The following GRIA2 variants were observed in gnomAD, a reference collection of about 807,000 sequenced individuals.
The protein encoded by GRIA2 is glutamate ionotropic receptor AMPA type subunit 2.
GRIA2 carries 14 observed loss-of-function variants against 97.3 expected under a neutral mutation model. The ratio of observed to expected loss-of-function variants is 0.14; its 90% confidence interval spans 0.10 to 0.23. The LOEUF is 0.23. Among genes scored for constraint, GRIA2 ranks in the 10% least tolerant of loss-of-function variants. GRIA2 has a pLI of 1.00. For missense variants in GRIA2, 558 were observed against 1,069.8 expected (o/e 0.52, Z 6.67); for synonymous variants, 412 against 387.8 (o/e 1.06, Z -0.73).
chr4:157,322,888 G>A (rs1338083232), intron 6 of GRIA2, among the ~76,000 whole-genome samples: 2 of 152,152 alleles, frequency 1.3e-5, no homozygotes, highest in African/African-American at 4.8e-5. Context: ...AAAAGGATTA[G>A]AAATTTTGAA....
intron 12 of GRIA2, chr4:157,342,580 T>C: frequency 9.5e-6 from 3 of 314,764 alleles, no homozygotes; most frequent in Non-Finnish European, 1.4e-5. Flanking sequence ...AATGAAAATG[T>C]ATTATCATTT....
chr4:157,312,377 T>C (rs1221539660), intron 3 of GRIA2, among the ~76,000 whole-genome samples: 1 of 152,084 alleles, frequency 6.6e-6, no homozygotes, highest in Non-Finnish European at 1.5e-5. Flanking sequence ...GATATTAACA[T>C]TACACTTTAG....
At chr4:157,329,301 G>A (rs1208068007) in intron 6 of GRIA2, among the ~76,000 whole-genome samples, 1 of 151,796 alleles carries the variant, frequency 6.6e-6, no homozygotes, top group Non-Finnish European at 1.5e-5. Context: ...AATTAATATT[G>A]CATAAGATTC....
intron 2 of GRIA2, among the ~76,000 whole-genome samples, chr4:157,297,600 C>T (rs1733407499): frequency 6.6e-6 from 1 of 152,026 alleles, no homozygotes; most frequent in Non-Finnish European, 1.5e-5. Flanking sequence ...TAGAAAATGG[C>T]AAAGCCAGGA....
chr4:157,264,115 T>C (rs1731665238), intron 2 of GRIA2, among the ~76,000 whole-genome samples: 1 of 152,132 alleles, frequency 6.6e-6, no homozygotes, highest in East Asian at 1.9e-4. Context: ...ACTTTGAAAC[T>C]GCATGCAGGT....
chr4:157,321,465 A>C lies in GRIA2; in HGVS notation c.748A>C (p.Ile250Leu). The C allele has an allele frequency of 1.2e-6, 2 of 1,611,664 alleles. No individual in the cohort carries two copies. Among genetic ancestry groups the C allele is most frequent in the Non-Finnish European group, 1.7e-6 (2 of 1,178,242 alleles). The change falls in exon 6 of 16, where the codon ATC (isoleucine) becomes CTC (leucine). Residue 250 changes from isoleucine (I) to leucine (L), a missense_variant. Physicochemically the swap from Ile to Leu is conservative, Grantham distance 5. Coordinates refer to ENST00000264426, the MANE Select transcript of GRIA2 (RefSeq NM_001083619.3). ...ATTTACTGATGGAGACCTATTAAAA[A>C]TCCAGTTTGGAGGTGCAAATGTCTC... Reference protein sequence around the residue: ...LGFTDGDLLKIQFGGANVSGF... With the variant: ...LGFTDGDLLKLQFGGANVSGF...
At chr4:157,270,046 T>A (rs1731947547) in intron 2 of GRIA2, among the ~76,000 whole-genome samples, 1 of 152,166 alleles carries the variant, frequency 6.6e-6, no homozygotes, top group South Asian at 2.1e-4. Context: ...GAGGCTCTAT[T>A]TAAAGTGATT....
At chr4:157,344,370 G>T (rs1735678955) in intron 12 of GRIA2, among the ~76,000 whole-genome samples, 1 of 151,946 alleles carries the variant, frequency 6.6e-6, no homozygotes, top group Non-Finnish European at 1.5e-5. Flanking sequence ...GAATTTTGGG[G>T]CTTCTGTGTA....
At chr4:157,304,525 T>C (rs1733753967) in intron 3 of GRIA2, among the ~76,000 whole-genome samples, 1 of 152,162 alleles carries the variant, frequency 6.6e-6, no homozygotes, top group African/African-American at 2.4e-5. Context: ...CATTCCCAGG[T>C]CCGTAATTGG....
At chr4:157,299,430 A>G (rs1213171983) in intron 2 of GRIA2, among the ~76,000 whole-genome samples, 13 of 152,176 alleles carry the variant, frequency 8.5e-5, no homozygotes, top group Non-Finnish European at 1.5e-5. Context: ...CTTATGAAGC[A>G]GACTATGCTG....
chr4:157,275,454 C>G (rs10008480), intron 2 of GRIA2, among the ~76,000 whole-genome samples: 30,257 of 152,028 alleles, frequency 0.2, 3,363 homozygotes, highest in African/African-American at 0.3. Context: ...ATGCCTATGA[C>G]CTGAATGGTA....
At chr4:157,327,766 T>TTTATTCAGGAAACAACTTCACACG (rs1412176148) in intron 6 of GRIA2, among the ~76,000 whole-genome samples, 2 of 152,106 alleles carry the variant, frequency 1.3e-5, no homozygotes, top group Non-Finnish European at 1.5e-5. Context: ...AGAATCTCAT[T>TTTATTCAGGAAACAACTTCACACG]TTATTCAGGA....
intron 2 of GRIA2, among the ~76,000 whole-genome samples, chr4:157,247,266 C>A (rs1187550017): frequency 6.6e-6 from 1 of 152,142 alleles, no homozygotes; most frequent in African/African-American, 2.4e-5. Flanking sequence ...AACAAAAAGA[C>A]AAATTCACAA....
chr4:157,314,243 G>A (rs562609688), intron 4 of GRIA2, among the ~76,000 whole-genome samples: 2 of 152,106 alleles, frequency 1.3e-5, no homozygotes, highest in Admixed American at 6.6e-5. Flanking sequence ...GGCTCTTCTA[G>A]CTTTGAGGAA....
chr4:157,355,561 A>G (rs1233487096), intron 12 of GRIA2, among the ~76,000 whole-genome samples: 1 of 139,290 alleles, frequency 7.2e-6, no homozygotes, highest in African/African-American at 2.7e-5. Flanking sequence ...TCCTTGGCTT[A>G]GCTGTATGGG....
chr4:157,253,365 C>A (rs1438016563), intron 2 of GRIA2, among the ~76,000 whole-genome samples: 4 of 152,072 alleles, frequency 2.6e-5, no homozygotes, highest in Non-Finnish European at 5.9e-5. Context: ...GATCTACCCA[C>A]CTTGGCCTCC....
intron 2 of GRIA2, among the ~76,000 whole-genome samples, chr4:157,289,928 T>A (rs1207527724): frequency 6.6e-6 from 1 of 151,896 alleles, no homozygotes; most frequent in Non-Finnish European, 1.5e-5. Flanking sequence ...TGACGTTTTC[T>A]AGCTGCTTCT....
intron 7 of GRIA2, 75 bp downstream of exon 7, chr4:157,333,061 C>G: frequency 8.3e-7 from 1 of 1,211,766 alleles, no homozygotes. Flanking sequence ...ATTAGTCATC[C>G]TTGTCTTATT....
intron 2 of GRIA2, among the ~76,000 whole-genome samples, chr4:157,265,733 T>C (rs1488519892): frequency 6.6e-6 from 1 of 152,130 alleles, no homozygotes; most frequent in Non-Finnish European, 1.5e-5. Flanking sequence ...GGGAGACCTT[T>C]ATGAGATGAA....
Sources: gnomAD v4.1 joint callset for allele counts (sites outside exome capture counted in the v4.1 genomes callset) on GRCh38, gnomAD v4.1.1 for gene constraint, MANE v1.5 for transcripts, NCBI Gene and HGNC (gene_info 2026-07-23, HGNC 2026-07-21) for gene names.